PHKB: variants seen among roughly 807,000 people sequenced by gnomAD.
The protein encoded by PHKB is phosphorylase kinase regulatory subunit beta, also known as phosphorylase b kinase regulatory subunit beta.
Under a neutral mutation model 152.1 loss-of-function variants are expected in PHKB, and 122 were observed. That is an observed-to-expected ratio of 0.80 (90% confidence interval 0.69 to 0.93). The LOEUF is 0.93. PHKB is among the 40% of genes least tolerant of loss of function. The pLI, the probability that PHKB is intolerant of heterozygous loss-of-function variation, is 0.00. For missense variants in PHKB, 1,304 were observed against 1,328.4 expected, an observed-to-expected ratio of 0.98 and a Z score of 0.29; for synonymous variants, 436 against 464.9, an observed-to-expected ratio of 0.94 and a Z score of 0.80.
At chr16:47,694,720 G>A (rs1974118558) in intron 28 of PHKB, among the ~76,000 whole-genome samples, 1 of 152,218 alleles carries the variant, frequency 6.6e-6, no homozygotes, top group South Asian at 2.1e-4. Context: ...CATCTCTTGA[G>A]AGCAGAGAGC....
intron 26 of PHKB, among the ~76,000 whole-genome samples, chr16:47,674,404 C>A (rs1212550719): frequency 6.6e-6 from 1 of 152,072 alleles, no homozygotes. Flanking sequence ...GTGGCTGAAA[C>A]CACAATTGCT....
chr16:47,671,741 G>A (rs1973641886), intron 26 of PHKB, among the ~76,000 whole-genome samples: 1 of 152,134 alleles, frequency 6.6e-6, no homozygotes, highest in African/African-American at 2.4e-5. Flanking sequence ...TTTTGCAGCA[G>A]TCTTCCTTTC....
intron 14 of PHKB, among the ~76,000 whole-genome samples, chr16:47,638,639 T>C (rs1418701250): frequency 2.6e-5 from 4 of 152,250 alleles, no homozygotes; most frequent in African/African-American, 9.6e-5. Flanking sequence ...TAAAATACTT[T>C]TACGTGATAA....
At chr16:47,618,921 G>A (rs1011323611) in intron 14 of PHKB, among the ~76,000 whole-genome samples, 3 of 152,098 alleles carry the variant, frequency 2.0e-5, no homozygotes, top group Non-Finnish European at 2.9e-5. Context: ...CCTCAAAGAG[G>A]TCCTGAGAGT....
chr16:47,581,385 C>CTGGATGGA (rs1007525171), intron 8 of PHKB, among the ~76,000 whole-genome samples: 1 of 152,002 alleles, frequency 6.6e-6, no homozygotes, highest in Non-Finnish European at 1.5e-5. Context: ...TTTCATATTC[C>CTGGATGGA]TGGATGGATG....
At chr16:47,584,818 G>T (rs543617889) in intron 8 of PHKB, among the ~76,000 whole-genome samples, 7 of 152,266 alleles carry the variant, frequency 4.6e-5, no homozygotes, top group African/African-American at 1.7e-4. Context: ...TTTATTTTTT[G>T]AGTCTAGATG....
intron 1 of PHKB, among the ~76,000 whole-genome samples, chr16:47,485,115 T>A (rs1458630493): frequency 1.3e-5 from 2 of 152,232 alleles, no homozygotes; most frequent in African/African-American, 4.8e-5. Context: ...ATTTAGTCTT[T>A]CATAATCATA....
intron 14 of PHKB, among the ~76,000 whole-genome samples, chr16:47,632,004 G>A (rs771486901): frequency 1.3e-5 from 2 of 152,134 alleles, no homozygotes; most frequent in Admixed American, 6.5e-5. Flanking sequence ...GCAATCCCAT[G>A]AGATAACTCT....
At chr16:47,536,869 A>G (rs1158097581) in intron 6 of PHKB, among the ~76,000 whole-genome samples, 1 of 152,240 alleles carries the variant, frequency 6.6e-6, no homozygotes, top group African/African-American at 2.4e-5. Flanking sequence ...GTATAGTGAG[A>G]GTTAGGAGAA....
rs553813995 is a variant in PHKB, at chr16:47,653,715, A to G, written c.1971+2794A>G. Among the ~76,000 whole-genome samples the G allele has an allele frequency of 4.3e-4, 65 of 152,300 alleles. No homozygotes were observed. The South Asian group carries it at 0.013, about 31-fold the overall frequency. On this transcript the variant is annotated intron_variant, in intron 20 of 30. Coordinates refer to ENST00000323584, the MANE Select transcript of PHKB (RefSeq NM_000293.3). ...CCTTTTAAGAAATATGTGGGCCTAT[A>G]TGGAAAAAAAAGACCTAGATAATTT...
intron 25 of PHKB, among the ~76,000 whole-genome samples, chr16:47,666,847 A>ATC (rs1433126648): frequency 6.6e-6 from 1 of 152,198 alleles, no homozygotes; most frequent in African/African-American, 2.4e-5. Context: ...TGGCTGAATC[A>ATC]TCCTTTGATT....
intron 14 of PHKB, among the ~76,000 whole-genome samples, chr16:47,620,961 G>T (rs1282314202): frequency 1.3e-5 from 2 of 152,162 alleles, no homozygotes; most frequent in African/African-American, 4.8e-5. Context: ...GGTATAAAGT[G>T]TAAAGAATTT....
intron 8 of PHKB, among the ~76,000 whole-genome samples, chr16:47,586,753 A>C (rs1971941412): frequency 6.6e-6 from 1 of 152,182 alleles, no homozygotes; most frequent in South Asian, 2.1e-4. Flanking sequence ...TATTTTTCTG[A>C]GTATTCTCCT....
chr16:47,592,030 G>A (rs1972037604), intron 10 of PHKB, among the ~76,000 whole-genome samples: 1 of 152,152 alleles, frequency 6.6e-6, no homozygotes, highest in Non-Finnish European at 1.5e-5. Flanking sequence ...ACTGACATCT[G>A]GAAGGTAGAT....
chr16:47,603,184 C>A (rs1180246427), intron 13 of PHKB, among the ~76,000 whole-genome samples: 3 of 152,128 alleles, frequency 2.0e-5, no homozygotes, highest in African/African-American at 7.2e-5. Context: ...TTTCTTTGAT[C>A]TGTTGTCTTC....
chr16:47,505,981 G>A (rs1347610635), intron 4 of PHKB, among the ~76,000 whole-genome samples: 3 of 146,302 alleles, frequency 2.1e-5, no homozygotes, highest in African/African-American at 7.6e-5. Context: ...GCAGTGAGCT[G>A]AGATCTCATT....
At chr16:47,675,337 C>T (rs978325720) in intron 26 of PHKB, among the ~76,000 whole-genome samples, 2 of 152,116 alleles carry the variant, frequency 1.3e-5, no homozygotes, top group African/African-American at 4.8e-5. Flanking sequence ...AGATGTTTTG[C>T]AAGGGCAGAG....
chr16:47,665,808 T>G, intron 25 of PHKB: 1 of 732,204 alleles, frequency 1.4e-6, no homozygotes, highest in Non-Finnish European at 2.5e-6. Context: ...TTCAATGTCC[T>G]GGGCAGTGTT....
intron 26 of PHKB, among the ~76,000 whole-genome samples, chr16:47,681,832 T>C (rs1973863867): frequency 6.6e-6 from 1 of 152,218 alleles, no homozygotes; most frequent in African/African-American, 2.4e-5. Flanking sequence ...GCTGGTTATT[T>C]TGCTCGTTAG....
Sources: gnomAD v4.1 joint callset for allele counts (sites outside exome capture counted in the v4.1 genomes callset) on GRCh38, gnomAD v4.1.1 for gene constraint, MANE v1.5 for transcripts, NCBI Gene and HGNC (gene_info 2026-07-23, HGNC 2026-07-21) for gene names.